FHIP1A: variants seen among roughly 807,000 people sequenced by gnomAD.
The protein encoded by FHIP1A is FHF complex subunit HOOK interacting protein 1A.
In FHIP1A, 61 loss-of-function variants were observed where a neutral mutation model predicts 88.6. The ratio of observed to expected loss-of-function variants is 0.69; its 90% confidence interval spans 0.56 to 0.85. The LOEUF (loss-of-function observed/expected upper bound fraction) is 0.85, where lower values mean the gene tolerates loss of function less well. Ranked by LOEUF, FHIP1A falls within the 40% of genes least tolerant of loss-of-function variation. The probability of loss-of-function intolerance (pLI) is 0.00; values close to 1 mark genes in which losing one functional copy is unlikely to be tolerated. For synonymous variants in FHIP1A, 478 were observed against 496.0 expected, an observed-to-expected ratio of 0.96 and a Z score of 0.48; for missense variants, 1,154 against 1,273.5, an observed-to-expected ratio of 0.91 and a Z score of 1.43.
chr4:151,626,268 A>G (rs762161050), intron 7 of FHIP1A, among the ~76,000 whole-genome samples: 1 of 152,220 alleles, frequency 6.6e-6, no homozygotes, highest in Non-Finnish European at 1.5e-5. Flanking sequence ...TTGGATTTCA[A>G]ACTATAGTTT....
chr4:151,635,533 G>A (rs2126886151), intron 8 of FHIP1A, among the ~76,000 whole-genome samples: 1 of 151,878 alleles, frequency 6.6e-6, no homozygotes, highest in African/African-American at 2.4e-5. Flanking sequence ...CAATGGAATG[G>A]AATGTTATTC....
At chr4:151,568,580 A>G (rs1733478207) in intron 4 of FHIP1A, among the ~76,000 whole-genome samples, 1 of 152,194 alleles carries the variant, frequency 6.6e-6, no homozygotes, top group African/African-American at 2.4e-5. Context: ...CACTCCAGGC[A>G]TGTCGCTGTA....
At chr4:151,563,071 A>G (rs1247844444) in intron 3 of FHIP1A, among the ~76,000 whole-genome samples, 1 of 152,072 alleles carries the variant, frequency 6.6e-6, no homozygotes, top group Non-Finnish European at 1.5e-5. Context: ...AATATTTAAT[A>G]TAATTTTTCT....
At chr4:151,513,497 C>T (rs1731112944) in intron 3 of FHIP1A, among the ~76,000 whole-genome samples, 1 of 152,166 alleles carries the variant, frequency 6.6e-6, no homozygotes, top group Non-Finnish European at 1.5e-5. Context: ...AATTAGAAGA[C>T]ACAGACTGGC....
chr4:151,425,698 A>G (rs1047592254), intron 1 of FHIP1A, among the ~76,000 whole-genome samples: 1 of 152,166 alleles, frequency 6.6e-6, no homozygotes, highest in Non-Finnish European at 1.5e-5. Context: ...AAATCAAGGT[A>G]TAGGCAGACC....
chr4:151,662,937 T>C lies in FHIP1A; in HGVS notation c.*183T>C, dbSNP rs1335110411. 3 of 562,216 alleles carry C rather than the reference T, an allele frequency of 5.3e-6. No homozygotes were observed. Among genetic ancestry groups the C allele is most frequent in the Admixed American group, 3.8e-5 (1 of 26,506 alleles). 34.8% of individuals were successfully genotyped at this position (562,216 alleles called of 1,614,324 possible). On this transcript the variant is annotated 3_prime_UTR_variant, in exon 14 of 14. Coordinates refer to ENST00000435205, the MANE Select transcript of FHIP1A (RefSeq NM_001109977.3). ...TCTCTAGCCGGGCCTTTCCACCTTA[T>C]GTTATATATAGAATGTAAGTCTCAT...
intron 3 of FHIP1A, among the ~76,000 whole-genome samples, chr4:151,515,416 C>T (rs1731194433): frequency 6.6e-6 from 1 of 151,964 alleles, no homozygotes; most frequent in Non-Finnish European, 1.5e-5. Context: ...CCCTCTCTCA[C>T]CACTCCTATT....
At chr4:151,558,363 G>A (rs1434937939) in intron 3 of FHIP1A, among the ~76,000 whole-genome samples, 1 of 151,720 alleles carries the variant, frequency 6.6e-6, no homozygotes, top group Non-Finnish European at 1.5e-5. Flanking sequence ...TAGTGAAACC[G>A]TGTCTCTACT....
chr4:151,556,971 G>A (rs150674206), intron 3 of FHIP1A, among the ~76,000 whole-genome samples: 1 of 152,138 alleles, frequency 6.6e-6, no homozygotes, highest in African/African-American at 2.4e-5. Context: ...TCCAACAAAT[G>A]CCTCGCTAAG....
At chr4:151,536,703 T>C (rs1467346117) in intron 3 of FHIP1A, among the ~76,000 whole-genome samples, 3 of 152,206 alleles carry the variant, frequency 2.0e-5, no homozygotes, top group Non-Finnish European at 2.9e-5. Flanking sequence ...TTTAATCATT[T>C]ACCTATTGAA....
At chr4:151,637,767 T>A (rs909280655) in intron 8 of FHIP1A, among the ~76,000 whole-genome samples, 1 of 152,070 alleles carries the variant, frequency 6.6e-6, no homozygotes, top group African/African-American at 2.4e-5. Context: ...GGGAACAGAG[T>A]ATGTTGCTTC....
At chr4:151,471,726 A>G (rs1729519597) in intron 2 of FHIP1A, among the ~76,000 whole-genome samples, 1 of 152,058 alleles carries the variant, frequency 6.6e-6, no homozygotes, top group African/African-American at 2.4e-5. Context: ...CCTGAACAGT[A>G]TATACTGCAC....
chr4:151,643,306 C>CTTTTTTCT (rs142420482), intron 9 of FHIP1A, among the ~76,000 whole-genome samples: 42,581 of 151,344 alleles, frequency 0.28, 6,199 homozygotes, highest in Non-Finnish European at 0.33. Flanking sequence ...AGAACCACTG[C>CTTTTTTCT]TTTTTTCTTT....
chr4:151,521,901 T>G (rs951178396), intron 3 of FHIP1A, among the ~76,000 whole-genome samples: 1 of 152,060 alleles, frequency 6.6e-6, no homozygotes, highest in African/African-American at 2.4e-5. Flanking sequence ...ATTTTTAAAA[T>G]TTTTTGTGGA....
chr4:151,456,346 G>A (rs1280073811), intron 2 of FHIP1A, among the ~76,000 whole-genome samples: 2 of 152,164 alleles, frequency 1.3e-5, no homozygotes. Flanking sequence ...AAAAGACAGG[G>A]CCAGCGGGTG....
intron 1 of FHIP1A, among the ~76,000 whole-genome samples, chr4:151,437,574 T>C (rs914633658): frequency 1.3e-5 from 2 of 152,180 alleles, no homozygotes; most frequent in African/African-American, 4.8e-5. Context: ...ATATAAATAG[T>C]ATAGACCATT....
At chr4:151,523,528 A>G (rs936047840) in intron 3 of FHIP1A, among the ~76,000 whole-genome samples, 3 of 152,160 alleles carry the variant, frequency 2.0e-5, no homozygotes, top group African/African-American at 4.8e-5. Context: ...TTAAACAATC[A>G]TAAGTTTTTA....
At chr4:151,559,863 GC>G (rs1733103465) in intron 3 of FHIP1A, among the ~76,000 whole-genome samples, 1 of 152,088 alleles carries the variant, frequency 6.6e-6, no homozygotes, top group Admixed American at 6.5e-5. Flanking sequence ...TTTTACTTCT[GC>G]TCTGTTCATA....
intron 7 of FHIP1A, among the ~76,000 whole-genome samples, chr4:151,601,103 A>G (rs779848457): frequency 6.6e-5 from 10 of 152,182 alleles, no homozygotes; most frequent in Non-Finnish European, 1.3e-4. Flanking sequence ...GGCCCACCTG[A>G]TAAGAGCCAT....
Sources: allele counts gnomAD v4.1 joint callset (sites outside exome capture counted in the v4.1 genomes callset), GRCh38; gene constraint gnomAD v4.1.1; transcripts MANE v1.5; gene names NCBI Gene and HGNC (gene_info 2026-07-23, HGNC 2026-07-21).